GRIK3: variants seen among roughly 807,000 people sequenced by gnomAD.
GRIK3 encodes glutamate receptor ionotropic, kainate 3.
A neutral mutation model predicts 102.5 loss-of-function variants in GRIK3; 29 were observed. The observed-to-expected ratio is 0.28, with a 90% confidence interval of 0.21 to 0.39. The LOEUF (loss-of-function observed/expected upper bound fraction) is 0.39, where lower values mean the gene tolerates loss of function less well. GRIK3 is among the 10% of genes least tolerant of loss of function. The probability of loss-of-function intolerance (pLI) is 1.00; values close to 1 mark genes in which losing one functional copy is unlikely to be tolerated. For missense variants in GRIK3, 908 were observed against 1,252.4 expected, an observed-to-expected ratio of 0.73 and a Z score of 4.15; for synonymous variants, 511 against 504.9, an observed-to-expected ratio of 1.01 and a Z score of -0.16.
chr1:36,891,035 G>T lies in GRIK3; in HGVS notation c.177C>A (p.Ala59=). The change falls in exon 2 of 16, where the codon GCC becomes GCA. Residue 59 remains alanine (A), a synonymous_variant. Transcript: ENST00000373091. ...TGATGATGTTGGCAGAAAATCGAAAGGCATGCTCCTCGGCATTCATGACCT... is the reference window on the plus strand; with the variant it reads ...TGATGATGTTGGCAGAAAATCGAAATGCATGCTCCTCGGCATTCATGACCT... ...NAQVMNAEEH[A]FRFSANIINR... 1 of 1,614,040 alleles carries T rather than the reference G, an allele frequency of 6.2e-7. No homozygotes were observed. The highest frequency in any genetic ancestry group is 8.5e-7 in the Non-Finnish European group (1 of 1,179,914).
chr1:36,944,531 G>T (rs1298760120), intron 1 of GRIK3, among the ~76,000 whole-genome samples: 1 of 152,214 alleles, frequency 6.6e-6, no homozygotes, highest in African/African-American at 2.4e-5. Flanking sequence ...AGTGTTCTCA[G>T]TTCTCTGGAC....
At chr1:37,009,090 TA>T (rs1473785758) in intron 1 of GRIK3, among the ~76,000 whole-genome samples, 1 of 151,780 alleles carries the variant, frequency 6.6e-6, no homozygotes, top group Non-Finnish European at 1.5e-5. Context: ...ATAATAATAA[TA>T]ATAATAATAA....
chr1:36,836,334 C>A (rs1304905288), intron 10 of GRIK3, among the ~76,000 whole-genome samples: 1 of 152,280 alleles, frequency 6.6e-6, no homozygotes, highest in African/African-American at 2.4e-5. Flanking sequence ...GACCCCACAA[C>A]AACCATGCCT....
intron 1 of GRIK3, among the ~76,000 whole-genome samples, chr1:36,989,592 C>G (rs899040362): frequency 1.3e-5 from 2 of 152,232 alleles, no homozygotes; most frequent in Non-Finnish European, 2.9e-5. Flanking sequence ...AAAATGGCCC[C>G]TCTGAATCAC....
rs562627836 is a variant in GRIK3, at chr1:36,976,023, G to C, written c.115+57971C>G. Reference sequence around the variant, plus strand: ...TTGCTTTAACAGCAAAGAAGCAAAAGAAGCAGAAGAGCATCCCAAGGAGCA... The same window carrying C: ...TTGCTTTAACAGCAAAGAAGCAAAACAAGCAGAAGAGCATCCCAAGGAGCA... On this transcript the variant is annotated intron_variant, in intron 1 of 15. Transcript: ENST00000373091. Among the ~76,000 whole-genome samples the C allele has an allele frequency of 2.0e-5, 3 of 152,336 alleles. No homozygotes were observed. In the South Asian group the frequency reaches 6.2e-4, roughly 32 times the overall value.
At chr1:36,960,378 G>C (rs1170477303) in intron 1 of GRIK3, among the ~76,000 whole-genome samples, 2 of 152,212 alleles carry the variant, frequency 1.3e-5, no homozygotes, top group South Asian at 2.1e-4. Context: ...CTGTAAGCCT[G>C]TGTGGTCTGC....
In GRIK3 at chr1:36,801,373, C is replaced by T. The variant is rs1642438026; in HGVS notation, c.*478G>A. On this transcript the variant is annotated 3_prime_UTR_variant, in exon 16 of 16. Transcript: ENST00000373091. ...GCCCAGGCATATGGGATGGGTATCC[C>T]TCACCATGAGCTCCCATTGGCAGCC... The T allele has an allele frequency of 1.3e-5, 2 of 155,064 alleles. No homozygotes were observed. Among genetic ancestry groups the T allele is most frequent in the Admixed American group, 1.3e-4 (2 of 15,768 alleles). The allele number at this position is 155,064 out of a possible 1,614,324, so 9.6% of individuals were successfully genotyped here. A position where few individuals can be genotyped will look rare whatever the true frequency, so the allele number is the denominator to read the frequency against.
intron 1 of GRIK3, among the ~76,000 whole-genome samples, chr1:36,934,332 G>T (rs1006040401): frequency 6.6e-6 from 1 of 152,144 alleles, no homozygotes; most frequent in Non-Finnish European, 1.5e-5. Flanking sequence ...CCATGACATT[G>T]CTCTCTCTTC....
At chr1:36,982,322 G>T (rs1642258528) in intron 1 of GRIK3, among the ~76,000 whole-genome samples, 1 of 152,196 alleles carries the variant, frequency 6.6e-6, no homozygotes, top group Admixed American at 6.5e-5. Flanking sequence ...CTCACATGAG[G>T]CTACTGCTCC....
In GRIK3 at chr1:36,799,026, G is replaced by A. The variant is rs1252921442; in HGVS notation, c.*2825C>T. The A allele has an allele frequency of 2.0e-5, 3 of 152,208 alleles. No individual in the cohort carries two copies. The highest frequency in any genetic ancestry group is 4.4e-5 in the Non-Finnish European group (3 of 68,044). The allele number at this position is 152,208 out of a possible 1,614,324, so 9.4% of individuals were successfully genotyped here. On this transcript the variant is annotated 3_prime_UTR_variant, in exon 16 of 16. Transcript: ENST00000373091. ...ATGTGTGAGACAAGAGCAAGAATGA[G>A]GCACGTGCTCTGAAACTATACTGGA...
chr1:36,805,775 A>G (rs1300654666), intron 14 of GRIK3, among the ~76,000 whole-genome samples: 1 of 151,920 alleles, frequency 6.6e-6, no homozygotes, highest in African/African-American at 2.4e-5. Flanking sequence ...CGTCTCTACT[A>G]AAAATACAAA....
At chr1:36,888,935 G>A (rs1641072622) in intron 2 of GRIK3, among the ~76,000 whole-genome samples, 1 of 152,168 alleles carries the variant, frequency 6.6e-6, no homozygotes, top group Non-Finnish European at 1.5e-5. Flanking sequence ...TTCCTGCAGG[G>A]ATCGTAAGGA....
At chr1:36,876,927 A>G (rs1640917771) in intron 3 of GRIK3, among the ~76,000 whole-genome samples, 1 of 152,242 alleles carries the variant, frequency 6.6e-6, no homozygotes. Flanking sequence ...ATGAAGTTGA[A>G]TTAAACTCTA....
At chr1:36,939,151 C>A (rs1025598824) in intron 1 of GRIK3, among the ~76,000 whole-genome samples, 4 of 152,200 alleles carry the variant, frequency 2.6e-5, no homozygotes, top group Non-Finnish European at 5.9e-5. Flanking sequence ...CAATCAAAGC[C>A]TAATATCCTT....
intron 1 of GRIK3, among the ~76,000 whole-genome samples, chr1:36,901,896 C>T (rs114155660): frequency 1.3e-3 from 194 of 152,266 alleles, no homozygotes; most frequent in Middle Eastern, 3.4e-3. Flanking sequence ...GCAGAATATA[C>T]GGTTAATATG....
At position 36,819,484 on chromosome 1, in the gene GRIK3, C is replaced by T. The variant is rs960917199; in HGVS notation, c.1873+252G>A. ...GGAGCAGGAGGTGGGGGATGCGTCC[C>T]GCATGCCCTGGGCTGGGTGGTTTTC... On this transcript the variant is annotated intron_variant, in intron 12 of 15. Transcript: ENST00000373091. This position sits in a 1 kb window ranked among gnomAD's most constrained non-coding sequence, Gnocchi z 4.1. Among the ~76,000 whole-genome samples, 6 of 152,216 alleles carry T rather than the reference C, an allele frequency of 3.9e-5. No individual in the cohort carries two copies. The highest frequency in any genetic ancestry group is 1.2e-4 in the African/African-American group (5 of 41,450).
chr1:37,021,050 T>C (rs1642705715), intron 1 of GRIK3, among the ~76,000 whole-genome samples: 1 of 152,098 alleles, frequency 6.6e-6, no homozygotes, highest in South Asian at 2.1e-4. Context: ...CTAGGCTCTT[T>C]TGTTCTCTTA....
chr1:36,875,454 G>A, intron 3 of GRIK3, among the ~76,000 whole-genome samples: 1 of 152,130 alleles, frequency 6.6e-6, no homozygotes, highest in East Asian at 1.9e-4. Context: ...TAACTTTGCA[G>A]GGCCCTCCAA....
At chr1:36,861,363 A>G (rs922205316) in intron 5 of GRIK3, among the ~76,000 whole-genome samples, 1 of 151,920 alleles carries the variant, frequency 6.6e-6, no homozygotes, top group African/African-American at 2.4e-5. Flanking sequence ...ATACTCTCCC[A>G]CACTCTCCCC....
Sources: allele counts gnomAD v4.1 joint callset (sites outside exome capture counted in the v4.1 genomes callset), GRCh38; gene constraint gnomAD v4.1.1; non-coding constraint Gnocchi (gnomAD v3.1); transcripts MANE v1.5; gene names NCBI Gene and HGNC (gene_info 2026-07-23, HGNC 2026-07-21).